The following ANKRD42 variants were observed in gnomAD, a reference collection of about 807,000 sequenced individuals.
ANKRD42 encodes the protein ankyrin repeat domain 42.
A neutral mutation model predicts 51.5 loss-of-function variants in ANKRD42; 43 were observed. That is an observed-to-expected ratio of 0.83 (90% CI 0.65 to 1.08). ANKRD42 has a LOEUF of 1.08. Among genes scored for constraint, ANKRD42 ranks in the 50% least tolerant of loss-of-function variants. The pLI, the probability that ANKRD42 is intolerant of heterozygous loss-of-function variation, is 0.00. For synonymous variants in ANKRD42, 203 were observed against 213.0 expected (o/e 0.95, Z 0.41); for missense variants, 608 against 629.3 (o/e 0.97, Z 0.36).
chr11:83,222,855 C>T (rs1362309749), intron 5 of ANKRD42, among the ~76,000 whole-genome samples: 1 of 152,194 alleles, frequency 6.6e-6, no homozygotes, highest in Non-Finnish European at 1.5e-5. Flanking sequence ...AACCTTCTGC[C>T]TCAGCCTTTG....
chr11:83,233,216 T>G (rs1382902122), intron 7 of ANKRD42, among the ~76,000 whole-genome samples: 5 of 151,064 alleles, frequency 3.3e-5, no homozygotes, highest in African/African-American at 9.7e-5. Context: ...GTCTGGGGTT[T>G]TTTTTTTTTT....
At position 83,198,607 on chromosome 11, in the gene ANKRD42, C is replaced by T; in HGVS notation, c.187C>T (p.Pro63Ser). Residue 63 changes from proline (P) to serine (S), a missense_variant, in exon 2 of 11, where the codon CCT becomes TCT. Pro to Ser is a moderately conservative substitution (Grantham distance 74, BLOSUM62 -1). Transcript: ENST00000533342. The stretch of plus-strand genomic sequence containing the variant: ...ACTTGATGTTCTCCATAAGTTTACC[C>T]CTTTACATTGGGCAGCACATTCTGG... ...NELDVLHKFT[P>S]LHWAAHSGSL... 6.2e-7 allele frequency: 1 copy of T among 1,609,126 alleles called. No homozygotes were observed. The highest frequency in any genetic ancestry group is 8.5e-7 in the Non-Finnish European group (1 of 1,177,374).
At chr11:83,205,259 A>G (rs1214193014) in intron 2 of ANKRD42, among the ~76,000 whole-genome samples, 1 of 152,200 alleles carries the variant, frequency 6.6e-6, no homozygotes, top group Non-Finnish European at 1.5e-5. Flanking sequence ...TTTCATAAAT[A>G]TTGTTGAATA....
chr11:83,205,379 A>AT (rs1398268976), intron 2 of ANKRD42, among the ~76,000 whole-genome samples: 2 of 152,260 alleles, frequency 1.3e-5, no homozygotes, highest in African/African-American at 2.4e-5. Flanking sequence ...TTTTAAACAA[A>AT]TAATATGATT....
At chr11:83,221,657 C>G (rs1022391644) in intron 5 of ANKRD42, among the ~76,000 whole-genome samples, 1 of 152,152 alleles carries the variant, frequency 6.6e-6, no homozygotes, top group African/African-American at 2.4e-5. Context: ...AATAAGCCAT[C>G]GGAGTGTAGC....
At chr11:83,218,214 A>G (rs1862601252) in intron 5 of ANKRD42, among the ~76,000 whole-genome samples, 1 of 152,152 alleles carries the variant, frequency 6.6e-6, no homozygotes, top group African/African-American at 2.4e-5. Context: ...GGTTTTTCCT[A>G]GTCTTCCTCA....
chr11:83,206,305 A>G (rs1190904058), intron 3 of ANKRD42, 140 bp downstream of exon 3: 1 of 656,068 alleles, frequency 1.5e-6, no homozygotes, highest in East Asian at 2.8e-5. Flanking sequence ...CAACTCAGAT[A>G]TTCTGATACC....
chr11:83,225,605 A>T (rs182141711), intron 6 of ANKRD42, among the ~76,000 whole-genome samples: 2 of 151,522 alleles, frequency 1.3e-5, no homozygotes, highest in Non-Finnish European at 2.9e-5. Context: ...TGAGCAGTGA[A>T]TCACTAAATT....
chr11:83,248,428 T>G lies in ANKRD42; in HGVS notation c.*224T>G. The stretch of plus-strand genomic sequence containing the variant: ...TAGTTCATAAGTATTATTGTTAACA[T>G]TGTACCATAGAAGGAGAAAATGTTT... On this transcript the variant is annotated 3_prime_UTR_variant, in exon 11 of 11. Coordinates refer to ENST00000533342, the MANE Select transcript of ANKRD42 (RefSeq NM_001300975.2). 1 of 1,216,036 alleles carries G rather than the reference T, an allele frequency of 8.2e-7. No homozygotes were observed. The highest frequency in any genetic ancestry group is 1.0e-6 in the Non-Finnish European group (1 of 979,374). The allele number at this position is 1,216,036 out of a possible 1,614,324, so 75.3% of individuals were successfully genotyped here.
chr11:83,198,975 G>C (rs1861766622), intron 2 of ANKRD42, among the ~76,000 whole-genome samples: 1 of 152,154 alleles, frequency 6.6e-6, no homozygotes, highest in African/African-American at 2.4e-5. Context: ...ATTCACTCAA[G>C]ATGTCTCTGG....
At chr11:83,209,617 A>G in intron 3 of ANKRD42, 1 of 855,590 alleles carries the variant, frequency 1.2e-6, no homozygotes, top group Admixed American at 1.7e-5. Flanking sequence ...GGTGCCCACT[A>G]CCCAAGAAGC....
intron 7 of ANKRD42, among the ~76,000 whole-genome samples, chr11:83,229,044 G>A (rs1862987602): frequency 6.6e-6 from 1 of 151,778 alleles, no homozygotes; most frequent in Admixed American, 6.6e-5. Context: ...GATGGCTTAA[G>A]CAACATAAAT....
chr11:83,233,963 A>C (rs1863155205), intron 7 of ANKRD42, among the ~76,000 whole-genome samples: 1 of 152,226 alleles, frequency 6.6e-6, no homozygotes, highest in South Asian at 2.1e-4. Flanking sequence ...GATTACAGGC[A>C]TGAGCCACGG....
Position 83,236,482 on chromosome 11 carries a change from G to A in ANKRD42, c.992G>A (p.Gly331Glu). The change falls in exon 8 of 11, where the codon GGG (glycine) becomes GAG (glutamate). Residue 331 changes from glycine (G) to glutamate (E), a missense_variant. Gly to Glu is a moderately conservative substitution (Grantham distance 98). Coordinates refer to ENST00000533342, the MANE Select transcript of ANKRD42 (RefSeq NM_001300975.2). ...GADSNITNKA[G>E]ERPSDVAKRF... ...GACAGTAATATTACCAACAAAGCAGGGGAGAGACCCAGTGATGTGGCAAAG... is the reference window on the plus strand; with the variant it reads ...GACAGTAATATTACCAACAAAGCAGAGGAGAGACCCAGTGATGTGGCAAAG... 1 of 1,611,446 alleles carries A rather than the reference G, an allele frequency of 6.2e-7. No homozygotes were observed. Among genetic ancestry groups the A allele is most frequent in the Non-Finnish European group, 8.5e-7 (1 of 1,179,010 alleles).
intron 5 of ANKRD42, among the ~76,000 whole-genome samples, chr11:83,219,974 C>T (rs1271679031): frequency 6.6e-6 from 1 of 152,176 alleles, no homozygotes; most frequent in East Asian, 1.9e-4. Context: ...CTTGATCCTG[C>T]CTAGTGGGAA....
chr11:83,242,822 C>T (rs1317160993), intron 9 of ANKRD42, among the ~76,000 whole-genome samples: 2 of 152,016 alleles, frequency 1.3e-5, no homozygotes, highest in Admixed American at 6.6e-5. Flanking sequence ...CTTGGCCTCC[C>T]GAAGTGCTGG....
chr11:83,222,375 C>T (rs1862742443), intron 5 of ANKRD42, among the ~76,000 whole-genome samples: 1 of 152,102 alleles, frequency 6.6e-6, no homozygotes, highest in Non-Finnish European at 1.5e-5. Flanking sequence ...AGACAAAGTC[C>T]TGCCTACATG....
chr11:83,210,383 T>G lies in ANKRD42; in HGVS notation c.414T>G (p.His138Gln), dbSNP rs773340462. 3.1e-6 allele frequency: 5 copies of G among 1,613,918 alleles called. No individual in the cohort carries two copies. The Admixed American group carries it at 8.3e-5, about 27-fold the overall frequency. The change falls in exon 4 of 11, where the codon CAT becomes CAG. Residue 138 changes from histidine (H) to glutamine (Q), a missense_variant. Coordinates refer to ENST00000533342, the MANE Select transcript of ANKRD42 (RefSeq NM_001300975.2). The part of the protein sequence containing the change: ...TPLHLAATHG[H>Q]SFTLQIMLRS... ...TACATCTTGCTGCAACTCATGGACA[T>G]TCTTTCACTTTACAAATAATGCTCC... is the stretch of plus-strand genomic sequence containing the variant.
chr11:83,236,370 T>C (rs765073712), intron 7 of ANKRD42, 34 bp from the exon 8 acceptor site: 16 of 1,554,780 alleles, frequency 1.0e-5, no homozygotes, highest in Non-Finnish European at 1.4e-5. Context: ...CTTTTTTGTG[T>C]GTAATTCCTG....
Sources: gnomAD v4.1 joint callset for allele counts (sites outside exome capture counted in the v4.1 genomes callset) on GRCh38, gnomAD v4.1.1 for gene constraint, MANE v1.5 for transcripts, NCBI Gene and HGNC (gene_info 2026-07-23, HGNC 2026-07-21) for gene names.